Variants in DDAH1 observed in about 807,000 individuals in gnomAD.
DDAH1 encodes the protein dimethylarginine dimethylaminohydrolase 1.
DDAH1 carries 19 observed loss-of-function variants against 28.8 expected under a neutral mutation model. That is an observed-to-expected ratio of 0.66 (90% CI 0.46 to 0.97). DDAH1 has a LOEUF of 0.97. Among genes scored for constraint, DDAH1 ranks in the 50% least tolerant of loss-of-function variants. The pLI is 0.00. For synonymous variants in DDAH1, 153 were observed against 154.4 expected (o/e 0.99, Z 0.07); for missense variants, 326 against 375.9 (o/e 0.87, Z 1.10).
intron 1 of DDAH1, among the ~76,000 whole-genome samples, chr1:85,444,544 G>T (rs1008569712): frequency 2.6e-5 from 4 of 152,198 alleles, no homozygotes; most frequent in Admixed American, 1.3e-4. Flanking sequence ...CTTAACCACA[G>T]GCATCCTGAC....
rs562069635 is a variant in DDAH1 at position 85,577,551 on chromosome 1, C to T, written c.-123+433G>A. On this transcript the variant is annotated intron_variant, in intron 1 of 6. Transcript: ENST00000426972. ...GGTGCTCAGGGTGTGATCTCCGGAC[C>T]AGCAGCATCAACATCACCTGGGGAC... is the stretch of plus-strand genomic sequence containing the variant. Among the ~76,000 whole-genome samples the T allele has an allele frequency of 2.0e-4, 31 of 152,116 alleles. No homozygotes were observed. The South Asian group carries it at 6.4e-3, about 31-fold the overall frequency.
At chr1:85,420,218 G>T (rs1653079681) in intron 1 of DDAH1, among the ~76,000 whole-genome samples, 1 of 152,148 alleles carries the variant, frequency 6.6e-6, no homozygotes, top group South Asian at 2.1e-4. Context: ...TGCCATGAAG[G>T]TCTCTGAAAT....
Position 85,457,817 on chromosome 1 carries a change from G to A in DDAH1, c.303+6926C>T, listed in dbSNP as rs12567405. ...TGAGTGTCCTGCCTCAGCCTCCCGA[G>A]TAGCTGGGACTACAGGCGCCTGCCA... On this transcript the variant is annotated intron_variant, in intron 1 of 5. Coordinates refer to ENST00000284031, the MANE Select transcript of DDAH1 (RefSeq NM_012137.4). Among the ~76,000 whole-genome samples the A allele has an allele frequency of 8.8e-4, 134 of 152,314 alleles. 1 individual carries two copies. In the East Asian group the frequency reaches 0.023, roughly 27 times the overall value.
intron 1 of DDAH1, among the ~76,000 whole-genome samples, chr1:85,554,191 T>C (rs921578622): frequency 2.6e-5 from 4 of 152,106 alleles, no homozygotes; most frequent in African/African-American, 9.7e-5. Context: ...TCACAGTGAT[T>C]TAGATCTATT....
At chr1:85,559,542 A>G (rs1322030967) in intron 1 of DDAH1, among the ~76,000 whole-genome samples, 1 of 152,202 alleles carries the variant, frequency 6.6e-6, no homozygotes, top group Non-Finnish European at 1.5e-5. Flanking sequence ...AATGATGGAG[A>G]TAATGAAATT....
intron 1 of DDAH1, among the ~76,000 whole-genome samples, chr1:85,455,413 A>G (rs772189847): frequency 2.7e-4 from 41 of 152,202 alleles, no homozygotes; most frequent in Admixed American, 7.9e-4. Context: ...TAATTATAGG[A>G]AGGCTACTTT....
chr1:85,427,565 T>C (rs979821839), intron 1 of DDAH1, among the ~76,000 whole-genome samples: 1 of 152,212 alleles, frequency 6.6e-6, no homozygotes, highest in African/African-American at 2.4e-5. Context: ...TGCCAGTCTA[T>C]GCAGAGCCAG....
At chr1:85,371,875 C>A (rs1650402450) in intron 1 of DDAH1, among the ~76,000 whole-genome samples, 1 of 152,260 alleles carries the variant, frequency 6.6e-6, no homozygotes, top group South Asian at 2.1e-4. Flanking sequence ...TAATTTTTCA[C>A]CAATTGTGGA....
At chr1:85,532,486 C>A (rs1266356138) in intron 1 of DDAH1, among the ~76,000 whole-genome samples, 1 of 152,194 alleles carries the variant, frequency 6.6e-6, no homozygotes, top group South Asian at 2.1e-4. Flanking sequence ...ACCACGTTTG[C>A]GATGAATAAA....
intron 1 of DDAH1, among the ~76,000 whole-genome samples, chr1:85,518,900 C>G (rs1387299970): frequency 6.6e-6 from 1 of 151,930 alleles, no homozygotes; most frequent in Non-Finnish European, 1.5e-5. Context: ...GTTCTTAGCA[C>G]ATAGCAATTA....
chr1:85,547,081 G>A (rs1361816582), intron 1 of DDAH1, among the ~76,000 whole-genome samples: 2 of 152,128 alleles, frequency 1.3e-5, no homozygotes, highest in East Asian at 1.9e-4. Flanking sequence ...CCTCTCAGAG[G>A]AGAAATTTGG....
At chr1:85,355,594 C>A (rs966152231) in intron 2 of DDAH1, among the ~76,000 whole-genome samples, 1 of 152,092 alleles carries the variant, frequency 6.6e-6, no homozygotes, top group Admixed American at 6.5e-5. Flanking sequence ...ATCATATAAT[C>A]ATTTCAGTGA....
At chr1:85,495,173 T>C (rs1656545168) in intron 2 of DDAH1, 1 of 151,956 alleles carries the variant, frequency 6.6e-6, no homozygotes, top group African/African-American at 2.4e-5. Flanking sequence ...TTTTTTTTTT[T>C]TTTACTGTCT....
At chr1:85,508,159 G>C (rs756410946) in intron 1 of DDAH1, among the ~76,000 whole-genome samples, 1 of 152,184 alleles carries the variant, frequency 6.6e-6, no homozygotes, top group Non-Finnish European at 1.5e-5. Flanking sequence ...CTTTGTAACC[G>C]TGTGAATAAC....
chr1:85,412,848 A>G (rs1386547455), intron 1 of DDAH1, among the ~76,000 whole-genome samples: 1 of 152,102 alleles, frequency 6.6e-6, no homozygotes, highest in Non-Finnish European at 1.5e-5. Flanking sequence ...AGAAAACTAA[A>G]AAATTAGCTG....
chr1:85,379,733 G>GT, intron 1 of DDAH1: 5 of 982,410 alleles, frequency 5.1e-6, no homozygotes, highest in Non-Finnish European at 6.0e-6. Context: ...AAACCTGCTG[G>GT]CATCCTTACT....
At chr1:85,334,177 T>A (rs1647962287) in intron 4 of DDAH1, among the ~76,000 whole-genome samples, 1 of 152,134 alleles carries the variant, frequency 6.6e-6, no homozygotes. Flanking sequence ...GTTTGGTAGT[T>A]CCTCCTGCAT....
intron 1 of DDAH1, among the ~76,000 whole-genome samples, chr1:85,424,339 G>A (rs1653293226): frequency 6.6e-6 from 1 of 152,032 alleles, no homozygotes; most frequent in South Asian, 2.1e-4. Context: ...CTTGAGCCTG[G>A]TATTCTTCTC....
intron 1 of DDAH1, among the ~76,000 whole-genome samples, chr1:85,573,285 A>G (rs892477377): frequency 6.6e-6 from 1 of 152,236 alleles, no homozygotes; most frequent in African/African-American, 2.4e-5. Context: ...TCCTTTCTAA[A>G]TTCTGGATGT....
Sources: allele counts gnomAD v4.1 joint callset (sites outside exome capture counted in the v4.1 genomes callset), GRCh38; gene constraint gnomAD v4.1.1; transcripts MANE v1.5; gene names NCBI Gene and HGNC (gene_info 2026-07-23, HGNC 2026-07-21).